OR4F3: variants seen among roughly 807,000 people sequenced by gnomAD.
The protein encoded by OR4F3 is olfactory receptor family 4 subfamily F member 3, also known as olfactory receptor 4F3/4F16/4F29.
At chr5:181,358,435 A>G in the OR4F3 span, among the ~76,000 whole-genome samples, 1 of 127,766 alleles carries the variant, frequency 7.8e-6, no homozygotes, top group African/African-American at 3.4e-5. Flanking sequence ...ATCTGTTAGA[A>G]TGACTCCTAG....
At chr5:181,361,616 A>G in the OR4F3 span, among the ~76,000 whole-genome samples, 1 of 126,210 alleles carries the variant, frequency 7.9e-6, no homozygotes, top group Non-Finnish European at 1.6e-5. Flanking sequence ...TTTGCAATCT[A>G]CTTGAAAAGA....
At chr5:181,358,469 G>C in the OR4F3 span, among the ~76,000 whole-genome samples, 1 of 119,662 alleles carries the variant, frequency 8.4e-6, no homozygotes, top group African/African-American at 3.7e-5. Context: ...CTATGGCTTA[G>C]AGTGGATTCA....
At chr5:181,362,450 C>T (rs1219447936), upstream of OR4F3, among the ~76,000 whole-genome samples, 40 of 122,802 alleles carry the variant, frequency 3.3e-4, no homozygotes, top group African/African-American at 1.3e-3. Flanking sequence ...AAGGAAAGGG[C>T]GTAGCGTGGT....
chr5:181,358,382 T>C, the OR4F3 span, among the ~76,000 whole-genome samples: 1 of 132,126 alleles, frequency 7.6e-6, no homozygotes, highest in East Asian at 2.0e-4. Context: ...GTAAGTATGA[T>C]GGAAGGCAGA....
upstream of OR4F3, among the ~76,000 whole-genome samples, chr5:181,363,789 A>G (rs1307613170): frequency 3.4e-5 from 3 of 88,218 alleles, no homozygotes; most frequent in Non-Finnish European, 6.1e-5. Context: ...ATAAAAGGCA[A>G]TATTTCCATT....
chr5:181,354,461 A>G, the OR4F3 span, among the ~76,000 whole-genome samples: 1 of 132,056 alleles, frequency 7.6e-6, no homozygotes, highest in East Asian at 2.0e-4. Context: ...GGATCTCCAG[A>G]CAGAAGTTTG....
chr5:181,360,863 C>CT, the OR4F3 span, among the ~76,000 whole-genome samples: 1 of 130,490 alleles, frequency 7.7e-6, no homozygotes, highest in East Asian at 2.0e-4. Flanking sequence ...GCTTTTTAAT[C>CT]TTTTTTTCCT....
At chr5:181,362,735 G>A (rs2113313153), upstream of OR4F3, among the ~76,000 whole-genome samples, 1 of 83,964 alleles carries the variant, frequency 1.2e-5, no homozygotes, top group Admixed American at 1.0e-4. Flanking sequence ...TATACTATGT[G>A]GTAGGTATGA....
chr5:181,358,371 A>AG, the OR4F3 span, among the ~76,000 whole-genome samples: 1 of 132,160 alleles, frequency 7.6e-6, no homozygotes, highest in African/African-American at 3.2e-5. Flanking sequence ...AGCTGGGGGT[A>AG]GTAAGTATGA....
the OR4F3 span, among the ~76,000 whole-genome samples, chr5:181,357,140 C>T: frequency 2.3e-4 from 31 of 134,670 alleles, 5 homozygotes; most frequent in African/African-American, 9.0e-4. Flanking sequence ...CTCCCACCTT[C>T]GTCATCCAAC....
chr5:181,354,603 C>T, the OR4F3 span, among the ~76,000 whole-genome samples: 11 of 120,152 alleles, frequency 9.2e-5, no homozygotes, highest in Non-Finnish European at 1.2e-4. Flanking sequence ...CTGCTGTCCT[C>T]CAGACCCCGG....
chr5:181,362,584 C>T (rs1275800185), upstream of OR4F3, among the ~76,000 whole-genome samples: 2 of 120,392 alleles, frequency 1.7e-5, 1 homozygote, highest in Non-Finnish European at 3.3e-5. Flanking sequence ...CAAGTGTAGA[C>T]ATGAGAGGTT....
the OR4F3 span, among the ~76,000 whole-genome samples, chr5:181,348,688 T>G: frequency 9.3e-5 from 2 of 21,510 alleles, 1 homozygote; most frequent in African/African-American, 1.5e-4. Context: ...GAAGGTTTAT[T>G]TTATTTATTT....
At chr5:181,354,434 A>C in the OR4F3 span, among the ~76,000 whole-genome samples, 72 of 130,790 alleles carry the variant, frequency 5.5e-4, 13 homozygotes, top group African/African-American at 2.4e-3. Context: ...GATTTCAGAG[A>C]ATGTATGGAA....
chr5:181,363,528 T>C (rs1278388175), upstream of OR4F3, among the ~76,000 whole-genome samples: 8 of 99,680 alleles, frequency 8.0e-5, 3 homozygotes, highest in African/African-American at 7.9e-4. Context: ...ACTTTGAATT[T>C]TGGCAAACAG....
At chr5:181,357,053 T>G in the OR4F3 span, among the ~76,000 whole-genome samples, 16 of 134,626 alleles carry the variant, frequency 1.2e-4, 2 homozygotes, top group Non-Finnish European at 2.5e-4. Context: ...GTTCTTTAAT[T>G]TTTGTGTTAT....
the OR4F3 span, among the ~76,000 whole-genome samples, chr5:181,357,058 T>C: frequency 7.4e-6 from 1 of 134,700 alleles, no homozygotes; most frequent in Non-Finnish European, 1.6e-5. Context: ...TTAATTTTTG[T>C]GTTATTTCCA....
chr5:181,354,371 T>C, the OR4F3 span, among the ~76,000 whole-genome samples: 11 of 130,986 alleles, frequency 8.4e-5, no homozygotes. Context: ...CATGTGGTGT[T>C]GAGCCTGTGG....
the OR4F3 span, among the ~76,000 whole-genome samples, chr5:181,361,089 AT>A: frequency 9.4e-6 from 1 of 105,948 alleles, no homozygotes; most frequent in Non-Finnish European, 1.9e-5. Flanking sequence ...CAACTTTCTA[AT>A]TTCTAAAAAT....
Sources: gnomAD v4.1 joint callset for allele counts (sites outside exome capture counted in the v4.1 genomes callset) on GRCh38, gnomAD v4.1.1 for gene constraint, MANE v1.5 for transcripts, NCBI Gene and HGNC (gene_info 2026-07-23, HGNC 2026-07-21) for gene names.